Variants in SUSD4 observed in about 807,000 individuals in gnomAD.
SUSD4 encodes the protein sushi domain-containing protein 4.
Under a neutral mutation model 50.5 loss-of-function variants are expected in SUSD4, and 41 were observed. That is an observed-to-expected ratio of 0.81 (90% CI 0.63 to 1.05). The LOEUF (loss-of-function observed/expected upper bound fraction) is 1.05. SUSD4 is among the 50% of genes least tolerant of loss of function. SUSD4 has a pLI of 0.00. For missense variants in SUSD4, 580 were observed against 634.7 expected, an observed-to-expected ratio of 0.91 and a Z score of 0.93; for synonymous variants, 257 against 257.3, an observed-to-expected ratio of 1.00 and a Z score of 0.01.
At chr1:223,333,294 C>G (rs967210812) in intron 2 of SUSD4, among the ~76,000 whole-genome samples, 2 of 152,156 alleles carry the variant, frequency 1.3e-5, no homozygotes, top group African/African-American at 4.8e-5. Context: ...CTTAACCTCT[C>G]TCTGCCTACG....
intron 2 of SUSD4, among the ~76,000 whole-genome samples, chr1:223,336,585 A>T (rs74148008): frequency 0.012 from 1,767 of 152,256 alleles, 36 homozygotes; most frequent in African/African-American, 0.04. Context: ...GCTTAGTAGA[A>T]TTCATGCCTG....
intron 2 of SUSD4, among the ~76,000 whole-genome samples, chr1:223,356,414 CT>C (rs910180617): frequency 7.4e-4 from 107 of 144,388 alleles, no homozygotes; most frequent in Admixed American, 9.0e-4. Context: ...ATTTCTTTTT[CT>C]TTTTTTTTTT....
In SUSD4 at chr1:223,363,340, A is replaced by G. The variant is rs751384330; in HGVS notation, c.86T>C (p.Leu29Pro). ...CTGAAACCACAGGATCACGGCCAAG[A>G]GTCTCTGGGGGGACTGAGGTTGCTG... Reference protein sequence around the residue: ...QQQQPQSPQRLLAVILWFQLA... With the variant: ...QQQQPQSPQRPLAVILWFQLA... The change falls in exon 2 of 9, where the codon CTC (leucine) becomes CCC (proline). Residue 29 changes from leucine to proline, a missense_variant. Leu to Pro is a moderately conservative substitution (Grantham distance 98). Coordinates refer to ENST00000366878, the MANE Select transcript of SUSD4 (RefSeq NM_017982.4). The G allele has an allele frequency of 6.2e-7, 1 of 1,610,262 alleles. No individual in the cohort carries two copies. Among genetic ancestry groups the G allele is most frequent in the Non-Finnish European group, 8.5e-7 (1 of 1,178,552 alleles).
At chr1:223,240,345 A>G (rs1252992108) in intron 5 of SUSD4, among the ~76,000 whole-genome samples, 1 of 152,098 alleles carries the variant, frequency 6.6e-6, no homozygotes, top group Non-Finnish European at 1.5e-5. Context: ...GGTGTCTGAC[A>G]TCAATTTGAG....
At chr1:223,360,704 C>T (rs767774317) in intron 2 of SUSD4, among the ~76,000 whole-genome samples, 30 of 151,932 alleles carry the variant, frequency 2.0e-4, no homozygotes, top group Admixed American at 1.3e-3. Context: ...CTAGCTGAGA[C>T]GATTATATCT....
chr1:223,313,732 C>T (rs535994569), intron 2 of SUSD4, among the ~76,000 whole-genome samples: 2 of 152,224 alleles, frequency 1.3e-5, no homozygotes, highest in South Asian at 2.1e-4. Context: ...AAGAAGCTGG[C>T]CAAAACCCAC....
At position 223,235,153 on chromosome 1, in the gene SUSD4, T is replaced by A. The variant is rs941927511; in HGVS notation, c.725-5765A>T. On this transcript the variant is annotated intron_variant, in intron 5 of 8. Transcript: ENST00000366878. ...ACATAAGAAGACTATTTCTCTTGAT[T>A]GAAAAAAAAAACCTAAAGCCCTTTT... The A allele has an allele frequency of 6.6e-6, 10 of 1,519,120 alleles. No homozygotes were observed. In the East Asian group the frequency reaches 2.4e-4, roughly 36 times the overall value. 94.1% of individuals were successfully genotyped at this position (1,519,120 alleles called of 1,614,324 possible).
chr1:223,263,518 C>T (rs190554446), intron 5 of SUSD4: 5 of 980,970 alleles, frequency 5.1e-6, no homozygotes, highest in East Asian at 1.1e-4. Flanking sequence ...GGGGGATTTG[C>T]GATGGGTGGG....
intron 5 of SUSD4, among the ~76,000 whole-genome samples, chr1:223,243,348 T>C (rs1036077999): frequency 2.6e-5 from 4 of 152,318 alleles, no homozygotes; most frequent in African/African-American, 9.6e-5. Flanking sequence ...TTTGGAGAGA[T>C]GGGGCTTCCT....
chr1:223,363,568 C>T, intron 1 of SUSD4, 108 bp from the exon 2 acceptor site: 4 of 1,275,470 alleles, frequency 3.1e-6, no homozygotes, highest in Non-Finnish European at 4.2e-6. Context: ...CAGGCTCCAT[C>T]CTGGTTCCTC....
At chr1:223,259,101 A>T (rs1423159649) in intron 5 of SUSD4, among the ~76,000 whole-genome samples, 2 of 152,156 alleles carry the variant, frequency 1.3e-5, no homozygotes, top group Admixed American at 1.3e-4. Context: ...CCCCAGGGGG[A>T]CAGAGACTTT....
intron 3 of SUSD4, among the ~76,000 whole-genome samples, chr1:223,270,849 C>A (rs1434120957): frequency 6.6e-6 from 1 of 152,116 alleles, no homozygotes; most frequent in Admixed American, 6.5e-5. Flanking sequence ...GGGTAAGCCA[C>A]CACGCCCAGC....
chr1:223,246,492 T>G (rs1660938148), intron 5 of SUSD4, among the ~76,000 whole-genome samples: 1 of 150,770 alleles, frequency 6.6e-6, no homozygotes, highest in Non-Finnish European at 1.5e-5. Flanking sequence ...GAGCTCTTGA[T>G]CTTGTTAAGA....
intron 5 of SUSD4, among the ~76,000 whole-genome samples, chr1:223,247,855 A>T (rs1661043895): frequency 6.6e-6 from 1 of 151,842 alleles, no homozygotes; most frequent in African/African-American, 2.4e-5. Context: ...TGGTCAGGAG[A>T]CCCCCTCCAT....
intron 5 of SUSD4, among the ~76,000 whole-genome samples, chr1:223,247,201 C>T (rs1467207163): frequency 6.6e-6 from 1 of 152,206 alleles, no homozygotes; most frequent in African/African-American, 2.4e-5. Flanking sequence ...CACCATAACC[C>T]ATGTTCCACG....
chr1:223,341,556 C>A (rs972803322), intron 2 of SUSD4, among the ~76,000 whole-genome samples: 1 of 152,050 alleles, frequency 6.6e-6, no homozygotes. Flanking sequence ...GCAGAACACC[C>A]GATGCAGAAA....
Position 223,264,603 on chromosome 1 carries a change from A to G in SUSD4, c.724+27T>C, listed in dbSNP as rs372094880. 1.9e-6 allele frequency: 3 copies of G among 1,611,558 alleles called. No homozygotes were observed. The African/African-American group carries it at 4.0e-5, about 21-fold the overall frequency. ...TCCTCCCTTTAATAATACAAAATACAACTTCCGAAAGAATGAGATGTGTTA... is the reference window on the plus strand; with the variant it reads ...TCCTCCCTTTAATAATACAAAATACGACTTCCGAAAGAATGAGATGTGTTA... On this transcript the variant is annotated intron_variant, in intron 5 of 8. Transcript: ENST00000366878.
At chr1:223,304,649 A>G (rs1012933351) in intron 2 of SUSD4, among the ~76,000 whole-genome samples, 2 of 151,052 alleles carry the variant, frequency 1.3e-5, no homozygotes, top group Non-Finnish European at 2.9e-5. Context: ...ATGATACTCA[A>G]AAACATACGT....
intron 2 of SUSD4, among the ~76,000 whole-genome samples, chr1:223,349,075 C>T (rs2103322455): frequency 6.6e-6 from 1 of 152,210 alleles, no homozygotes; most frequent in East Asian, 1.9e-4. Flanking sequence ...CCTTCTCCAA[C>T]AAAAAGGCCA....
Sources: allele counts gnomAD v4.1 joint callset (sites outside exome capture counted in the v4.1 genomes callset), GRCh38; gene constraint gnomAD v4.1.1; transcripts MANE v1.5; gene names NCBI Gene and HGNC (gene_info 2026-07-23, HGNC 2026-07-21).